CCSER1: variants seen among roughly 807,000 people sequenced by gnomAD.
The protein encoded by CCSER1 is coiled-coil serine rich protein 1, also known as serine-rich coiled-coil domain-containing protein 1.
CCSER1 carries 41 observed loss-of-function variants against 82.0 expected under a neutral mutation model. The ratio of observed to expected loss-of-function variants is 0.50; its 90% CI spans 0.39 to 0.65. The LOEUF is 0.65. CCSER1 is among the 30% of genes least tolerant of loss of function. The pLI is 0.00. For missense variants in CCSER1, 1,119 were observed against 1,064.2 expected (o/e 1.05, Z -0.72); for synonymous variants, 414 against 383.9 (o/e 1.08, Z -0.92).
chr4:91,549,698 G>C (rs141233243), intron 10 of CCSER1, among the ~76,000 whole-genome samples: 1 of 152,050 alleles, frequency 6.6e-6, no homozygotes. Flanking sequence ...TTAGACGGCC[G>C]TGCTGGTGCG....
At chr4:90,954,037 A>C (rs1046291121) in intron 9 of CCSER1, among the ~76,000 whole-genome samples, 5 of 132,306 alleles carry the variant, frequency 3.8e-5, no homozygotes, top group African/African-American at 1.4e-4. Context: ...ATGCTTACCA[A>C]TTTGGAAAAT....
chr4:90,336,849 G>A (rs1740501675), intron 3 of CCSER1, among the ~76,000 whole-genome samples: 1 of 152,122 alleles, frequency 6.6e-6, no homozygotes, highest in South Asian at 2.1e-4. Context: ...ATACTCAATA[G>A]CAAATCCTTC....
At chr4:91,499,122 A>G (rs1280735740) in intron 10 of CCSER1, among the ~76,000 whole-genome samples, 1 of 151,940 alleles carries the variant, frequency 6.6e-6, no homozygotes, top group South Asian at 2.1e-4. Flanking sequence ...GTTTCATTTC[A>G]TTTTGTTGCA....
At chr4:90,734,904 T>G (rs1745402850) in intron 7 of CCSER1, among the ~76,000 whole-genome samples, 1 of 152,210 alleles carries the variant, frequency 6.6e-6, no homozygotes, top group Admixed American at 6.5e-5. Context: ...TTCCAAATCT[T>G]AGACGAAAGA....
At chr4:90,445,033 C>T (rs1184410593) in intron 4 of CCSER1, among the ~76,000 whole-genome samples, 2 of 151,366 alleles carry the variant, frequency 1.3e-5, no homozygotes, top group African/African-American at 4.9e-5. Context: ...CATCTTCCCT[C>T]AATTAAAAAA....
At chr4:90,228,841 C>T (rs1455854204) in intron 1 of CCSER1, among the ~76,000 whole-genome samples, 7 of 152,082 alleles carry the variant, frequency 4.6e-5, no homozygotes, top group East Asian at 1.9e-4. Context: ...CCTCAGGAGC[C>T]GATGCGATCA....
intron 6 of CCSER1, among the ~76,000 whole-genome samples, chr4:90,707,585 C>T (rs1442540514): frequency 6.6e-6 from 1 of 151,660 alleles, no homozygotes; most frequent in Non-Finnish European, 1.5e-5. Context: ...ACTACTTCCA[C>T]TGCTAAAAAC....
intron 1 of CCSER1, among the ~76,000 whole-genome samples, chr4:90,307,555 G>A (rs535873429): frequency 1.4e-4 from 21 of 151,428 alleles, no homozygotes; most frequent in African/African-American, 3.6e-4. Flanking sequence ...TGTAAATGAC[G>A]AGTTAATGGG....
At chr4:90,230,292 A>C (rs1184072294) in intron 1 of CCSER1, among the ~76,000 whole-genome samples, 3 of 152,254 alleles carry the variant, frequency 2.0e-5, no homozygotes, top group Non-Finnish European at 2.9e-5. Context: ...CAGTGCAATC[A>C]AACTAGAACT....
At chr4:90,686,703 A>C (rs1483988019) in intron 6 of CCSER1, among the ~76,000 whole-genome samples, 2 of 152,120 alleles carry the variant, frequency 1.3e-5, no homozygotes, top group Non-Finnish European at 2.9e-5. Context: ...ATTTTCTGTC[A>C]GTTTCCCAAA....
chr4:90,745,395 A>G (rs1277514732), intron 7 of CCSER1, among the ~76,000 whole-genome samples: 1 of 152,200 alleles, frequency 6.6e-6, no homozygotes, highest in Admixed American at 6.5e-5. Context: ...AGGTTGGCTG[A>G]TTAGTCACCT....
At chr4:91,407,689 A>T (rs1260954579) in intron 10 of CCSER1, among the ~76,000 whole-genome samples, 1 of 152,160 alleles carries the variant, frequency 6.6e-6, no homozygotes, top group African/African-American at 2.4e-5. Flanking sequence ...TTCTATACAG[A>T]GATCACATGG....
rs528679922 is a variant in CCSER1 at position 90,740,670 on chromosome 4, T to C, written c.2010+16679T>C. On this transcript the variant is annotated intron_variant, in intron 7 of 10. Coordinates refer to ENST00000509176, the MANE Select transcript of CCSER1 (RefSeq NM_001145065.2). ...CATACTAAAAATAATGGCATACCTC[T>C]TCTTCCTTCTACAGTTCACACATTC... Among the ~76,000 whole-genome samples the C allele has an allele frequency of 1.8e-4, 27 of 152,328 alleles. 1 individual carries two copies. In the South Asian group the frequency reaches 5.6e-3, roughly 32 times the overall value.
At chr4:90,173,767 G>A (rs559510542) in intron 1 of CCSER1, among the ~76,000 whole-genome samples, 78 of 152,060 alleles carry the variant, frequency 5.1e-4, no homozygotes, top group Admixed American at 1.5e-3. Context: ...CCTGGCTTGA[G>A]AAAACATTTA....
chr4:90,853,685 A>G (rs929365160), intron 8 of CCSER1, among the ~76,000 whole-genome samples: 1 of 152,150 alleles, frequency 6.6e-6, no homozygotes, highest in African/African-American at 2.4e-5. Context: ...TTAAACAAAA[A>G]GACTTTGAAA....
intron 10 of CCSER1, among the ~76,000 whole-genome samples, chr4:91,336,074 G>A (rs754766115): frequency 2.6e-5 from 4 of 152,010 alleles, no homozygotes; most frequent in Middle Eastern, 3.2e-3. Flanking sequence ...AAGGAGGAGG[G>A]TATATGTACA....
At chr4:90,478,247 A>G (rs1186727634) in intron 5 of CCSER1, among the ~76,000 whole-genome samples, 1 of 152,214 alleles carries the variant, frequency 6.6e-6, no homozygotes, top group Non-Finnish European at 1.5e-5. Context: ...AAATCAAAGT[A>G]CTTGTAGACA....
intron 6 of CCSER1, among the ~76,000 whole-genome samples, chr4:90,692,506 G>C (rs1348034269): frequency 2.0e-5 from 3 of 151,872 alleles, no homozygotes; most frequent in Non-Finnish European, 4.4e-5. Flanking sequence ...TGTGTTATAG[G>C]CATAATGACG....
intron 10 of CCSER1, among the ~76,000 whole-genome samples, chr4:91,125,801 C>T (rs929161507): frequency 2.0e-5 from 3 of 151,100 alleles, no homozygotes; most frequent in Non-Finnish European, 4.4e-5. Flanking sequence ...AAACTACCAA[C>T]ATAAACCAAA....
Sources: allele counts gnomAD v4.1 joint callset (sites outside exome capture counted in the v4.1 genomes callset), GRCh38; gene constraint gnomAD v4.1.1; transcripts MANE v1.5; gene names NCBI Gene and HGNC (gene_info 2026-07-23, HGNC 2026-07-21).